Variants in ANKS1B observed in about 807,000 individuals in gnomAD.
ANKS1B encodes the protein ankyrin repeat and sterile alpha motif domain containing 1B.
ANKS1B carries 36 observed loss-of-function variants against 148.3 expected under a neutral mutation model. The observed-to-expected ratio is 0.24, with a 90% CI of 0.19 to 0.32. The LOEUF (loss-of-function observed/expected upper bound fraction) is 0.32. Among genes scored for constraint, ANKS1B ranks in the 10% least tolerant of loss-of-function variants. The probability of loss-of-function intolerance (pLI) is 1.00; values close to 1 mark genes in which losing one functional copy is unlikely to be tolerated. For synonymous variants in ANKS1B, 542 were observed against 560.8 expected, an observed-to-expected ratio of 0.97 and a Z score of 0.47; for missense variants, 1,157 against 1,542.6, an observed-to-expected ratio of 0.75 and a Z score of 4.19.
intron 17 of ANKS1B, among the ~76,000 whole-genome samples, chr12:98,844,742 C>T (rs1358317713): frequency 2.0e-5 from 3 of 152,150 alleles, no homozygotes; most frequent in Non-Finnish European, 4.4e-5. Context: ...TGGGGGACCA[C>T]TGATTGAATG....
intron 9 of ANKS1B, among the ~76,000 whole-genome samples, chr12:99,537,043 A>G (rs764841825): frequency 2.0e-5 from 3 of 152,182 alleles, no homozygotes; most frequent in Non-Finnish European, 2.9e-5. Context: ...TTCACTTAAC[A>G]TAAAGATCTC....
intron 9 of ANKS1B, among the ~76,000 whole-genome samples, chr12:99,638,064 C>T (rs1006109593): frequency 2.6e-5 from 4 of 151,954 alleles, no homozygotes; most frequent in Non-Finnish European, 4.4e-5. Flanking sequence ...CTTTGCTTGG[C>T]ACTTCTTTCT....
At chr12:99,537,916 TTTTA>T (rs1399329086) in intron 9 of ANKS1B, among the ~76,000 whole-genome samples, 2 of 152,144 alleles carry the variant, frequency 1.3e-5, no homozygotes, top group Non-Finnish European at 2.9e-5. Flanking sequence ...CTTAATTCAT[TTTTA>T]TTTGATTTTT....
intron 12 of ANKS1B, among the ~76,000 whole-genome samples, chr12:99,250,382 G>A (rs2074425743): frequency 6.6e-6 from 1 of 152,176 alleles, no homozygotes. Context: ...AGCCCCAGGA[G>A]GGGCCGTCCC....
chr12:99,367,786 TTGTGTGTG>T (rs370684225), intron 12 of ANKS1B, among the ~76,000 whole-genome samples: 1 of 148,356 alleles, frequency 6.7e-6, no homozygotes, highest in African/African-American at 2.5e-5. Flanking sequence ...GTGTGTGTGC[TTGTGTGTG>T]TGTGTGTGTG....
rs1234572734 is a variant in ANKS1B at position 99,100,499 on chromosome 12, G to A, written c.2527-15476C>T. 2.6e-5 allele frequency among the ~76,000 whole-genome samples: 4 copies of A among 152,176 alleles called. 1 individual carries two copies. In the East Asian group the frequency reaches 5.8e-4, roughly 22 times the overall value. ...AAAGTCACTGGGGGAGGGGTAAGGT[G>A]GAGGTGGGATCAGAAGGCATATAAA... On this transcript the variant is annotated intron_variant, in intron 15 of 26. Transcript: ENST00000683438.
At chr12:99,649,318 G>C in intron 9 of ANKS1B, 1 of 1,614,116 alleles carries the variant, frequency 6.2e-7, no homozygotes. Context: ...TGAAGAGAAG[G>C]AGCAATTCAG....
chr12:98,739,182 C>T (rs2097786773), downstream of ANKS1B, among the ~76,000 whole-genome samples: 2 of 152,208 alleles, frequency 1.3e-5, no homozygotes, highest in East Asian at 3.8e-4. Context: ...TGTACCTTCT[C>T]ATTGAAGCCC....
chr12:99,552,345 G>A (rs1423863771), intron 9 of ANKS1B, among the ~76,000 whole-genome samples: 1 of 152,190 alleles, frequency 6.6e-6, no homozygotes, highest in African/African-American at 2.4e-5. Context: ...ATAAATATTT[G>A]TTGGCTTAAT....
intron 14 of ANKS1B, among the ~76,000 whole-genome samples, chr12:99,192,374 G>A (rs941113902): frequency 6.6e-6 from 1 of 151,980 alleles, no homozygotes; most frequent in Non-Finnish European, 1.5e-5. Context: ...ATTATCTAGG[G>A]AGAATCTATT....
Position 99,632,754 on chromosome 12 carries a change from TATATATA to T in ANKS1B, c.1272+22306_1272+22312del, listed in dbSNP as rs1567522706. On this transcript the variant is annotated intron_variant, in intron 9 of 26. Coordinates refer to ENST00000683438, the MANE Select transcript of ANKS1B (RefSeq NM_001352186.2). ...ATATATATATATATATATATATATA[TATATATA>T]TATATATTTTAATTATACTTTAAGT... 2.2e-3 allele frequency among the ~76,000 whole-genome samples: 242 copies of T among 110,778 alleles called. 6 individuals carry two copies. The highest frequency in any genetic ancestry group is 7.7e-3 in the African/African-American group (230 of 29,834). The allele number at this position is 110,778 out of a possible 152,430, so 72.7% of individuals were successfully genotyped here.
At chr12:99,250,762 A>T (rs2074482602) in intron 12 of ANKS1B, among the ~76,000 whole-genome samples, 1 of 152,244 alleles carries the variant, frequency 6.6e-6, no homozygotes, top group African/African-American at 2.4e-5. Flanking sequence ...GGCAATGTTT[A>T]TATTTCCACA....
chr12:99,634,846 G>A (rs1480213119), intron 9 of ANKS1B, among the ~76,000 whole-genome samples: 2 of 152,068 alleles, frequency 1.3e-5, no homozygotes, highest in Admixed American at 6.6e-5. Flanking sequence ...TCTATGAAAT[G>A]GGAGAAAATA....
At chr12:99,829,031 G>GA (rs1035250909) in intron 1 of ANKS1B, among the ~76,000 whole-genome samples, 5 of 151,384 alleles carry the variant, frequency 3.3e-5, no homozygotes, top group Non-Finnish European at 3.0e-5. Flanking sequence ...CAGATACTTA[G>GA]AAAAAAAAGG....
intron 12 of ANKS1B, among the ~76,000 whole-genome samples, chr12:99,378,448 G>A (rs1430746924): frequency 1.3e-5 from 2 of 152,014 alleles, no homozygotes; most frequent in Non-Finnish European, 2.9e-5. Context: ...GAGGTCAAGA[G>A]ATCGAGACCA....
At chr12:99,894,272 AAAGGAAGG>A (rs1315964719) in intron 1 of ANKS1B, among the ~76,000 whole-genome samples, 2 of 83,700 alleles carry the variant, frequency 2.4e-5, no homozygotes, top group African/African-American at 9.8e-5. Context: ...GAAAGGAAAG[AAAGGAAGG>A]AAGGAAGGAA....
intron 8 of ANKS1B, among the ~76,000 whole-genome samples, chr12:99,734,072 TCA>T (rs1338099235): frequency 6.6e-6 from 1 of 152,198 alleles, no homozygotes. Context: ...CTCCTCACTC[TCA>T]GAGGCTCTGC....
At chr12:99,144,437 T>C (rs572582968) in intron 15 of ANKS1B, among the ~76,000 whole-genome samples, 5 of 152,180 alleles carry the variant, frequency 3.3e-5, no homozygotes, top group Admixed American at 2.6e-4. Context: ...ATGAAAGAGA[T>C]CCTTCAGGCA....
chr12:99,766,201 C>T (rs187038519), intron 8 of ANKS1B, among the ~76,000 whole-genome samples: 1 of 152,218 alleles, frequency 6.6e-6, no homozygotes, highest in African/African-American at 2.4e-5. Context: ...CACTGAGAGA[C>T]CACTACATTC....
Sources: allele counts gnomAD v4.1 joint callset (sites outside exome capture counted in the v4.1 genomes callset), GRCh38; gene constraint gnomAD v4.1.1; transcripts MANE v1.5; gene names NCBI Gene and HGNC (gene_info 2026-07-23, HGNC 2026-07-21).